The following TNR variants were observed in gnomAD, a reference collection of about 807,000 sequenced individuals.
TNR encodes tenascin R, also known as tenascin-R.
A neutral mutation model predicts 150.4 loss-of-function variants in TNR; 45 were observed. That is an observed-to-expected ratio of 0.30 (90% CI 0.24 to 0.38). TNR has a LOEUF of 0.38. Among genes scored for constraint, TNR ranks in the 10% least tolerant of loss-of-function variants. TNR has a pLI of 1.00. For missense variants in TNR, 1,544 were observed against 1,759.1 expected (o/e 0.88, Z 2.19); for synonymous variants, 687 against 678.4 (o/e 1.01, Z -0.20).
At chr1:175,506,492 G>A (rs77306556) in intron 2 of TNR, among the ~76,000 whole-genome samples, 5 of 152,334 alleles carry the variant, frequency 3.3e-5, no homozygotes, top group Non-Finnish European at 7.3e-5. Context: ...GAAGCCGTTA[G>A]GGTGGGCCCT....
rs1163369195 is a variant in TNR, at chr1:175,628,107, G to A, written c.-164-99738C>T. On this transcript the variant is annotated intron_variant, in intron 1 of 22. Transcript: ENST00000367674. ...ATTCTGATTTAGTAATTCTGGGCAGGGAACTAAAAATATGCTCTTTACCAG... is the reference window on the plus strand; with the variant it reads ...ATTCTGATTTAGTAATTCTGGGCAGAGAACTAAAAATATGCTCTTTACCAG... Among the ~76,000 whole-genome samples the A allele has an allele frequency of 3.9e-5, 6 of 152,162 alleles. 1 individual carries two copies. The highest frequency in any genetic ancestry group is 8.8e-5 in the Non-Finnish European group (6 of 68,042).
Position 175,514,216 on chromosome 1 carries a change from G to A in TNR, c.-64+14053C>T, listed in dbSNP as rs138843790. 9.5e-4 allele frequency among the ~76,000 whole-genome samples: 144 copies of A among 152,326 alleles called. 1 individual carries two copies. The East Asian group carries it at 0.022, about 23-fold the overall frequency. ...CAAGGGTCCCTAAAAGTGGAAGAGG[G>A]AGGCAAAAGAGGAAATCAGAGTGAT... On this transcript the variant is annotated intron_variant, in intron 2 of 22. Transcript: ENST00000367674.
At chr1:175,426,767 T>C (rs996336770) in intron 2 of TNR, among the ~76,000 whole-genome samples, 2 of 89,196 alleles carry the variant, frequency 2.2e-5, no homozygotes, top group Non-Finnish European at 5.1e-5. Context: ...CGTGTGTGTG[T>C]ATAAATATAT....
At chr1:175,703,978 G>A (rs1282255333) in intron 1 of TNR, among the ~76,000 whole-genome samples, 1 of 152,112 alleles carries the variant, frequency 6.6e-6, no homozygotes, top group Non-Finnish European at 1.5e-5. Flanking sequence ...AGTCAAAGAG[G>A]ACTTTATTTC....
chr1:175,710,227 G>A (rs1666969429), intron 1 of TNR, among the ~76,000 whole-genome samples: 2 of 152,262 alleles, frequency 1.3e-5, no homozygotes, highest in South Asian at 4.1e-4. Context: ...TGATGGCAAA[G>A]GAGAGAGAAA....
At chr1:175,726,291 A>G (rs902537525) in intron 1 of TNR, among the ~76,000 whole-genome samples, 1 of 152,250 alleles carries the variant, frequency 6.6e-6, no homozygotes, top group Non-Finnish European at 1.5e-5. Context: ...CAGCAGTGCT[A>G]TAGAAGACCA....
Position 175,337,587 on chromosome 1 carries a change from C to T in TNR, c.3475G>A (p.Glu1159Lys). Residue 1159 changes from glutamate (E) to lysine (K), a missense_variant, in exon 19 of 23, where the codon GAG (glutamate) becomes AAG (lysine). Physicochemically the swap from Glu to Lys is moderately conservative, Grantham distance 56 (BLOSUM62 1). Transcript: ENST00000367674. ...SGVYPIFLNG[E>K]LSQKLQVYCD... ...TACACTTGTAATTTCTGGCTCAGCT[C>T]CCCATTGAGGAAGATGGGGTAAACC... 1 of 1,614,078 alleles carries T rather than the reference C, an allele frequency of 6.2e-7. No homozygotes were observed. The highest frequency in any genetic ancestry group is 8.5e-7 in the Non-Finnish European group (1 of 1,180,028).
intron 14 of TNR, among the ~76,000 whole-genome samples, chr1:175,361,063 A>ATTT (rs953033125): frequency 2.6e-5 from 4 of 151,674 alleles, no homozygotes; most frequent in Admixed American, 2.0e-4. Flanking sequence ...TGACCCAAGG[A>ATTT]TTTTTTTTTC....
intron 1 of TNR, among the ~76,000 whole-genome samples, chr1:175,555,993 C>G (rs78583255): frequency 0.019 from 2,841 of 152,346 alleles, 71 homozygotes; most frequent in African/African-American, 0.064. Flanking sequence ...ACAGCCTGCT[C>G]CACCCCTGGA....
At chr1:175,426,688 T>C (rs919759826) in intron 2 of TNR, among the ~76,000 whole-genome samples, 16 of 151,470 alleles carry the variant, frequency 1.1e-4, no homozygotes, top group Non-Finnish European at 1.8e-4. Context: ...TAAAGATACA[T>C]GTTACTCCGT....
intron 7 of TNR, among the ~76,000 whole-genome samples, chr1:175,389,681 C>A (rs373893354): frequency 6.6e-6 from 1 of 152,328 alleles, no homozygotes; most frequent in East Asian, 1.9e-4. Context: ...GTTACGCTTT[C>A]TCTTGTTAAC....
intron 1 of TNR, among the ~76,000 whole-genome samples, chr1:175,598,399 C>A (rs1246913524): frequency 1.3e-5 from 2 of 152,184 alleles, no homozygotes; most frequent in Non-Finnish European, 2.9e-5. Context: ...AATAACAAAT[C>A]AACTCACCAA....
intron 1 of TNR, among the ~76,000 whole-genome samples, chr1:175,640,576 C>A (rs1396942166): frequency 6.6e-6 from 1 of 152,110 alleles, no homozygotes; most frequent in Non-Finnish European, 1.5e-5. Flanking sequence ...TTTAGTGGTT[C>A]TTTACTATGT....
intron 1 of TNR, among the ~76,000 whole-genome samples, chr1:175,621,438 A>G (rs894033905): frequency 1.3e-5 from 2 of 151,976 alleles, no homozygotes; most frequent in Admixed American, 1.3e-4. Flanking sequence ...CACTGCCCCA[A>G]ACTCACCCCT....
intron 1 of TNR, among the ~76,000 whole-genome samples, chr1:175,597,635 T>C (rs1663060659): frequency 6.6e-6 from 1 of 152,176 alleles, no homozygotes; most frequent in African/African-American, 2.4e-5. Context: ...TGGTTTTAGA[T>C]GGAGGAAGAG....
intron 18 of TNR, among the ~76,000 whole-genome samples, chr1:175,340,199 G>A (rs1557873911): frequency 2.0e-5 from 3 of 152,182 alleles, no homozygotes; most frequent in Admixed American, 6.5e-5. Context: ...CTTCCAGGCC[G>A]GCAATGAGCT....
intron 1 of TNR, among the ~76,000 whole-genome samples, chr1:175,656,385 A>G (rs1665178829): frequency 6.6e-6 from 1 of 152,108 alleles, no homozygotes; most frequent in Non-Finnish European, 1.5e-5. Context: ...TTCAGTTCCT[A>G]CTGACCGGAC....
chr1:175,720,937 G>A (rs759628446), intron 1 of TNR, among the ~76,000 whole-genome samples: 3 of 152,116 alleles, frequency 2.0e-5, no homozygotes, highest in Non-Finnish European at 2.9e-5. Flanking sequence ...GAGATTTTAC[G>A]CCACACTGAG....
chr1:175,528,064 T>C (rs900579074), intron 2 of TNR, among the ~76,000 whole-genome samples: 2 of 152,220 alleles, frequency 1.3e-5, no homozygotes, highest in African/African-American at 4.8e-5. Context: ...GCCAAAGCCT[T>C]GGTACCCGGT....
Sources: gnomAD v4.1 joint callset for allele counts (sites outside exome capture counted in the v4.1 genomes callset) on GRCh38, gnomAD v4.1.1 for gene constraint, MANE v1.5 for transcripts, NCBI Gene and HGNC (gene_info 2026-07-23, HGNC 2026-07-21) for gene names.